Variants in NF1 observed in about 807,000 individuals in gnomAD.
The protein encoded by NF1 is neurofibromin.
NF1 carries 122 observed loss-of-function variants against 325.7 expected under a neutral mutation model. The ratio of observed to expected loss-of-function variants is 0.37; its 90% CI spans 0.32 to 0.44. NF1 has a LOEUF of 0.44. Among genes scored for constraint, NF1 ranks in the 20% least tolerant of loss-of-function variants. The pLI is 1.00. For missense variants in NF1, 2,140 were observed against 3,415.4 expected (o/e 0.63, Z 9.31); for synonymous variants, 1,091 against 1,186.0 (o/e 0.92, Z 1.65).
At chr17:31,269,473 A>T (rs1192009007) in intron 36 of NF1, among the ~76,000 whole-genome samples, 1 of 152,216 alleles carries the variant, frequency 6.6e-6, no homozygotes, top group Non-Finnish European at 1.5e-5. Context: ...TACATTAGGG[A>T]ATAAGGCAAT....
In NF1 at chr17:31,375,619, TG is replaced by T. The variant is rs559972371; in HGVS notation, c.*1466del. ...GTTCCCTTTATATGTTAAGATATAATGGCTTTGAGGGGGGAAAAAATAAACC... is the reference window on the plus strand; with the variant it reads ...GTTCCCTTTATATGTTAAGATATAATGCTTTGAGGGGGGAAAAAATAAACC... On this transcript the variant is annotated 3_prime_UTR_variant, in exon 58 of 58. Coordinates refer to ENST00000358273, the MANE Select transcript of NF1 (RefSeq NM_001042492.3). The T allele has an allele frequency of 5.0e-4, 117 of 232,846 alleles. No homozygotes were observed. Among genetic ancestry groups the T allele is most frequent in the African/African-American group, 2.4e-3 (107 of 45,438 alleles). The allele number at this position is 232,846 out of a possible 1,614,324, so 14.4% of individuals were successfully genotyped here. A position where few individuals can be genotyped will look rare whatever the true frequency, so the allele number is the denominator to read the frequency against.
At chr17:31,143,102 T>C (rs1170897442) in intron 1 of NF1, among the ~76,000 whole-genome samples, 4 of 152,182 alleles carry the variant, frequency 2.6e-5, no homozygotes, top group Admixed American at 6.5e-5. Flanking sequence ...ATTTATACAT[T>C]TTCTTGTAAG....
At chr17:31,254,083 T>C (rs1257455712) in intron 31 of NF1, 1 of 151,566 alleles carries the variant, frequency 6.6e-6, no homozygotes, top group Non-Finnish European at 1.5e-5. Flanking sequence ...TTGGGCAACA[T>C]AGCGAGTCGT....
chr17:31,138,679 C>T (rs1367452429), intron 1 of NF1, among the ~76,000 whole-genome samples: 2 of 151,570 alleles, frequency 1.3e-5, no homozygotes, highest in Admixed American at 6.6e-5. Flanking sequence ...CTGCAAGCTC[C>T]GCCTCCCAGG....
intron 47 of NF1, among the ~76,000 whole-genome samples, chr17:31,341,376 T>C (rs2069816690): frequency 6.6e-6 from 1 of 151,720 alleles, no homozygotes; most frequent in Non-Finnish European, 1.5e-5. Flanking sequence ...AGGCAAAAAT[T>C]AGCTAGGCAT....
intron 11 of NF1, 34 bp downstream of exon 11, chr17:31,201,519 AAATTTT>A: frequency 6.5e-7 from 1 of 1,527,132 alleles, no homozygotes. Context: ...ATTACTAAAA[AAATTTT>A]TTTCTTTCTT....
intron 50 of NF1, 120 bp downstream of exon 50, chr17:31,350,438 A>C (rs1567624173): frequency 3.7e-6 from 3 of 805,266 alleles, no homozygotes; most frequent in Non-Finnish European, 6.1e-6. Flanking sequence ...GAGATGGCCT[A>C]GGAAGAGTAA....
intron 1 of NF1, chr17:31,133,090 C>T (rs1489171786): frequency 2.0e-5 from 3 of 152,230 alleles, no homozygotes; most frequent in South Asian, 4.1e-4. Context: ...ATCTACAGAA[C>T]TCCCTTCATC....
chr17:31,338,372 T>G (rs2069734950), intron 45 of NF1, among the ~76,000 whole-genome samples: 2 of 152,212 alleles, frequency 1.3e-5, no homozygotes, highest in South Asian at 4.1e-4. Context: ...AAGATGTCTT[T>G]AAAATAAAAT....
rs547011677 is a variant in NF1 at position 31,108,913 on chromosome 17, C to T, written c.60+13544C>T. Among the ~76,000 whole-genome samples the T allele has an allele frequency of 7.9e-5, 12 of 152,206 alleles. No homozygotes were observed. The South Asian group carries it at 8.3e-4, about 11-fold the overall frequency. On this transcript the variant is annotated intron_variant, in intron 1 of 57. Coordinates refer to ENST00000358273, the MANE Select transcript of NF1 (RefSeq NM_001042492.3). ...GGACATAATGTTACCTGCACTTTTT[C>T]ACAGGGATCTATGAGAATCAAAGAT...
rs2068468554 is a variant in NF1 at position 31,296,506 on chromosome 17, AT to A, written c.4836-29313del. ...AAGCTCCCCTTCATTTATAGTCCAA[AT>A]GCTTAATCCTTCAATTGGGCTATGT... is the stretch of plus-strand genomic sequence containing the variant. On this transcript the variant is annotated intron_variant, in intron 36 of 57. Transcript: ENST00000358273. 2.6e-5 allele frequency: 17 copies of A among 662,506 alleles called. No individual in the cohort carries two copies. The South Asian group carries it at 2.9e-4, about 11-fold the overall frequency. 41.0% of individuals were successfully genotyped at this position (662,506 alleles called of 1,614,324 possible).
At chr17:31,190,829 A>G (rs1353572145) in intron 8 of NF1, among the ~76,000 whole-genome samples, 1 of 152,158 alleles carries the variant, frequency 6.6e-6, no homozygotes, top group Non-Finnish European at 1.5e-5. Flanking sequence ...ATTTTCCTGC[A>G]TTTTTGTCAG....
intron 1 of NF1, among the ~76,000 whole-genome samples, chr17:31,132,213 T>C (rs1915444860): frequency 1.3e-5 from 2 of 152,018 alleles, no homozygotes; most frequent in African/African-American, 4.8e-5. Context: ...ATTACAGGCG[T>C]GAGCCACTGT....
intron 36 of NF1, among the ~76,000 whole-genome samples, chr17:31,298,396 A>T (rs1349273539): frequency 1.3e-5 from 2 of 152,108 alleles, no homozygotes; most frequent in East Asian, 3.8e-4. Context: ...AGTAATATTT[A>T]GCATGTTATG....
chr17:31,100,680 C>T (rs976870023), intron 1 of NF1, among the ~76,000 whole-genome samples: 6 of 152,164 alleles, frequency 3.9e-5, no homozygotes, highest in African/African-American at 1.4e-4. Flanking sequence ...AGCGATTCTC[C>T]TGCCTCAGCC....
intron 57 of NF1, among the ~76,000 whole-genome samples, chr17:31,369,282 ATAATG>A (rs1471207629): frequency 6.6e-6 from 1 of 152,220 alleles, no homozygotes; most frequent in Non-Finnish European, 1.5e-5. Context: ...TTAAATAACA[ATAATG>A]TAATCTAATC....
chr17:31,248,873 G>T, intron 29 of NF1, 111 bp from the exon 30 acceptor site: 1 of 960,550 alleles, frequency 1.0e-6, no homozygotes, highest in Non-Finnish European at 1.6e-6. Context: ...TTCCAATGAA[G>T]TCTACACGTT....
intron 29 of NF1, among the ~76,000 whole-genome samples, chr17:31,248,063 G>A (rs1256143976): frequency 6.6e-6 from 1 of 152,054 alleles, no homozygotes; most frequent in Non-Finnish European, 1.5e-5. Flanking sequence ...TTAGCCGGGC[G>A]TGGTGGCCCA....
chr17:31,325,076 A>C (rs904966140), intron 36 of NF1, among the ~76,000 whole-genome samples: 10 of 152,168 alleles, frequency 6.6e-5, no homozygotes, highest in Non-Finnish European at 1.5e-4. Flanking sequence ...TTTGGTTTTA[A>C]GCAACATATG....
Sources: gnomAD v4.1 joint callset for allele counts (sites outside exome capture counted in the v4.1 genomes callset) on GRCh38, gnomAD v4.1.1 for gene constraint, MANE v1.5 for transcripts, NCBI Gene and HGNC (gene_info 2026-07-23, HGNC 2026-07-21) for gene names.